The following FOXP1 variants were observed in gnomAD, a reference collection of about 807,000 sequenced individuals.
FOXP1 encodes forkhead box P1.
Under a neutral mutation model 98.2 loss-of-function variants are expected in FOXP1, and 15 were observed. The ratio of observed to expected loss-of-function variants is 0.15; its 90% CI spans 0.10 to 0.24. The LOEUF (loss-of-function observed/expected upper bound fraction) is 0.24, where lower values mean the gene tolerates loss of function less well. Among genes scored for constraint, FOXP1 ranks in the 10% least tolerant of loss-of-function variants. The pLI, the probability that FOXP1 is intolerant of heterozygous loss-of-function variation, is 1.00. For missense variants in FOXP1, 633 were observed against 848.5 expected (o/e 0.75, Z 3.15); for synonymous variants, 371 against 314.5 (o/e 1.18, Z -1.90).
intron 2 of FOXP1, among the ~76,000 whole-genome samples, chr3:71,501,999 G>A (rs1237500897): frequency 1.3e-5 from 2 of 152,230 alleles, no homozygotes; most frequent in African/African-American, 2.4e-5. Context: ...CTGGAACACA[G>A]AAGGTTGGGA....
intron 7 of FOXP1, among the ~76,000 whole-genome samples, chr3:71,102,754 T>C (rs1012954758): frequency 3.3e-5 from 5 of 152,230 alleles, no homozygotes; most frequent in African/African-American, 4.8e-5. Context: ...TCTGATTCCA[T>C]TCCTTTTGCT....
chr3:71,575,327 C>G (rs1351126076), intron 2 of FOXP1, among the ~76,000 whole-genome samples: 1 of 152,174 alleles, frequency 6.6e-6, no homozygotes, highest in Non-Finnish European at 1.5e-5. Context: ...GAATAAATCA[C>G]TTGATTCACA....
chr3:71,492,750 A>C (rs182274838), intron 3 of FOXP1, among the ~76,000 whole-genome samples: 4 of 152,288 alleles, frequency 2.6e-5, no homozygotes, highest in Admixed American at 2.6e-4. Flanking sequence ...GGCCTCAACC[A>C]ATCATTGTCT....
intron 3 of FOXP1, among the ~76,000 whole-genome samples, chr3:71,475,450 T>A (rs547441202): frequency 1.3e-5 from 2 of 151,788 alleles, no homozygotes; most frequent in Non-Finnish European, 2.9e-5. Flanking sequence ...AAAGGAAGGG[T>A]CTGGAGGCAC....
At position 70,965,606 on chromosome 3, in the gene FOXP1, T is replaced by G. The variant is rs150601601; in HGVS notation, c.1889+284A>C. ...TATTAGTTTGAGGAGGAAAAAGTAG[T>G]GTGGCTTAAATAATGGCCTGGGATG... On this transcript the variant is annotated intron_variant, in intron 20 of 20. Coordinates refer to ENST00000649528, the MANE Select transcript of FOXP1 (RefSeq NM_001349338.3). Among the ~76,000 whole-genome samples, 585 of 152,244 alleles carry G rather than the reference T, an allele frequency of 3.8e-3. 5 individuals are homozygous for G. Among genetic ancestry groups the G allele is most frequent in the African/African-American group, 0.014 (563 of 41,548 alleles).
intron 2 of FOXP1, among the ~76,000 whole-genome samples, chr3:71,494,476 G>C (rs2091273008): frequency 6.6e-6 from 1 of 152,056 alleles, no homozygotes; most frequent in Non-Finnish European, 1.5e-5. Context: ...AGTTTTTCAA[G>C]CGCTTAGAAT....
chr3:71,397,246 T>C (rs1321208045), intron 3 of FOXP1, among the ~76,000 whole-genome samples: 1 of 151,144 alleles, frequency 6.6e-6, no homozygotes, highest in Non-Finnish European at 1.5e-5. Context: ...GAAGAGAGCT[T>C]AGGAGGCAAA....
chr3:71,272,721 C>T (rs2070492725), intron 5 of FOXP1, among the ~76,000 whole-genome samples: 1 of 152,104 alleles, frequency 6.6e-6, no homozygotes, highest in Admixed American at 6.6e-5. Flanking sequence ...CTCATATTGT[C>T]CACTGTTCCT....
At chr3:71,063,587 C>T (rs1436638109) in intron 7 of FOXP1, among the ~76,000 whole-genome samples, 5 of 152,218 alleles carry the variant, frequency 3.3e-5, no homozygotes, top group African/African-American at 1.2e-4. Context: ...AAAAATCTGG[C>T]TTAACACTGA....
intron 2 of FOXP1, among the ~76,000 whole-genome samples, chr3:71,495,886 T>C (rs2091372472): frequency 6.6e-6 from 1 of 152,142 alleles, no homozygotes; most frequent in Admixed American, 6.5e-5. Flanking sequence ...AGGCAGGTAA[T>C]GCAAATGAGC....
chr3:71,323,811 T>G lies in FOXP1; in HGVS notation c.-72-23931A>C, dbSNP rs1056024661. On this transcript the variant is annotated intron_variant, in intron 4 of 20. Coordinates refer to ENST00000649528, the MANE Select transcript of FOXP1 (RefSeq NM_001349338.3). ...GACATGCACTTTAAACATTTTGTTC[T>G]ATTTCCATCTATTCCACACTGCACA... 2.6e-5 allele frequency among the ~76,000 whole-genome samples: 4 copies of G among 152,230 alleles called. 1 individual carries two copies. Among genetic ancestry groups the G allele is most frequent in the Non-Finnish European group, 5.9e-5 (4 of 68,040 alleles).
intron 11 of FOXP1, among the ~76,000 whole-genome samples, chr3:71,030,089 T>A (rs1360608610): frequency 1.3e-5 from 2 of 152,182 alleles, no homozygotes; most frequent in African/African-American, 4.8e-5. Flanking sequence ...TCAAGTAACT[T>A]AAGTAGAGCA....
chr3:71,050,428 CTTTT>C (rs1460329809), intron 9 of FOXP1, among the ~76,000 whole-genome samples: 1 of 152,140 alleles, frequency 6.6e-6, no homozygotes, highest in African/African-American at 2.4e-5. Flanking sequence ...AGTGGCAGCC[CTTTT>C]TTGTTTGTCT....
intron 3 of FOXP1, among the ~76,000 whole-genome samples, chr3:71,489,537 T>C (rs1229440285): frequency 2.0e-5 from 3 of 152,232 alleles, no homozygotes; most frequent in Non-Finnish European, 4.4e-5. Context: ...ACACTGTGGC[T>C]AACTGCCGAT....
intron 5 of FOXP1, among the ~76,000 whole-genome samples, chr3:71,229,648 C>T (rs139256831): frequency 6.4e-4 from 98 of 152,304 alleles, no homozygotes; most frequent in African/African-American, 2.2e-3. Context: ...AGGCTCCACA[C>T]TATCCTTGTA....
intron 5 of FOXP1, among the ~76,000 whole-genome samples, chr3:71,204,208 G>C (rs1197162009): frequency 6.6e-6 from 1 of 151,976 alleles, no homozygotes; most frequent in African/African-American, 2.4e-5. Context: ...TGCCACTGAG[G>C]AAAAAAGAAG....
At chr3:71,089,433 A>G (rs1270739143) in intron 7 of FOXP1, among the ~76,000 whole-genome samples, 1 of 152,188 alleles carries the variant, frequency 6.6e-6, no homozygotes, top group Admixed American at 6.5e-5. Flanking sequence ...AGATGCTATG[A>G]GCCTGAACCA....
intron 3 of FOXP1, among the ~76,000 whole-genome samples, chr3:71,397,058 ATG>A (rs1456481858): frequency 1.0e-5 from 1 of 98,236 alleles, no homozygotes; most frequent in African/African-American, 4.4e-5. Context: ...ACACATATAT[ATG>A]TGTATATATA....
At chr3:70,998,404 A>T (rs534763915) in intron 13 of FOXP1, among the ~76,000 whole-genome samples, 2 of 152,284 alleles carry the variant, frequency 1.3e-5, no homozygotes, top group East Asian at 1.9e-4. Context: ...AAATATAAAA[A>T]CATTCCTTAG....
Sources: gnomAD v4.1 joint callset for allele counts (sites outside exome capture counted in the v4.1 genomes callset) on GRCh38, gnomAD v4.1.1 for gene constraint, MANE v1.5 for transcripts, NCBI Gene and HGNC (gene_info 2026-07-23, HGNC 2026-07-21) for gene names.